MAP3K21: variants seen among roughly 807,000 people sequenced by gnomAD.
The protein encoded by MAP3K21 is mitogen-activated protein kinase kinase kinase MLK4.
Under a neutral mutation model 86.1 loss-of-function variants are expected in MAP3K21, and 63 were observed. That is an observed-to-expected ratio of 0.73 (90% confidence interval 0.60 to 0.90). The LOEUF (loss-of-function observed/expected upper bound fraction) is 0.90. MAP3K21 is among the 40% of genes least tolerant of loss of function. The probability of loss-of-function intolerance (pLI) is 0.00; values close to 1 mark genes in which losing one functional copy is unlikely to be tolerated. For synonymous variants in MAP3K21, 558 were observed against 564.8 expected, an observed-to-expected ratio of 0.99 and a Z score of 0.17; for missense variants, 1,220 against 1,367.7, an observed-to-expected ratio of 0.89 and a Z score of 1.70.
Position 233,354,923 on chromosome 1 carries a change from A to AG in MAP3K21, c.1224dup (p.Met409AspfsTer12), listed in dbSNP as rs1663321308. On this transcript the variant is annotated frameshift_variant, in exon 4 of 10. Transcript: ENST00000366624. LOFTEE classifies it high-confidence loss of function. ...GCTATTGAAGGGGCAGTGATGACTGAGATGCCTCAAGAATCTTTTCATTCC... is the reference window on the plus strand; with the variant it reads ...GCTATTGAAGGGGCAGTGATGACTGAGGATGCCTCAAGAATCTTTTCATTCC... 1 of 1,613,760 alleles carries AG rather than the reference A, an allele frequency of 6.2e-7. No homozygotes were observed. Among genetic ancestry groups the AG allele is most frequent in the Non-Finnish European group, 8.5e-7 (1 of 1,179,740 alleles).
chr1:233,375,451 A>C (rs891801652), intron 6 of MAP3K21, among the ~76,000 whole-genome samples: 1 of 152,236 alleles, frequency 6.6e-6, no homozygotes, highest in Non-Finnish European at 1.5e-5. Context: ...AAAATAAAGA[A>C]AGAAATAAAT....
At position 233,379,386 on chromosome 1, in the gene MAP3K21, C is replaced by A. The variant is rs1558464885; in HGVS notation, c.2380C>A (p.Pro794Thr). 1.2e-6 allele frequency: 2 copies of A among 1,614,246 alleles called. 1 individual carries two copies. The highest frequency in any genetic ancestry group is 2.2e-5 in the South Asian group (2 of 91,086). ...GGAGGCCAGCAGCCCACCCTCCCTGCCACTGTCAAGTGCCCTGGGCATCCT... is the reference window on the plus strand; with the variant it reads ...GGAGGCCAGCAGCCCACCCTCCCTGACACTGTCAAGTGCCCTGGGCATCCT... ...CGEASSPPSL[P>T]LSSALGILST... Residue 794 changes from proline to threonine, a missense_variant, in exon 9 of 10, where the codon CCA (proline) becomes ACA (threonine). This residue lies in a region of MAP3K21 where 632 missense variants were observed against 691.3 expected (regional missense o/e 0.91). Transcript: ENST00000366624.
chr1:233,374,570 C>T (rs10797450), intron 6 of MAP3K21, among the ~76,000 whole-genome samples: 33,650 of 151,942 alleles, frequency 0.22, 3,905 homozygotes, highest in South Asian at 0.3. Flanking sequence ...AACCAAACAT[C>T]ATCCACAATG....
chr1:233,357,840 G>A (rs771043929), intron 4 of MAP3K21, among the ~76,000 whole-genome samples: 3 of 152,210 alleles, frequency 2.0e-5, no homozygotes, highest in Non-Finnish European at 2.9e-5. Flanking sequence ...GAATGCTGCA[G>A]GGATGGCAAT....
intron 1 of MAP3K21, among the ~76,000 whole-genome samples, chr1:233,333,056 C>G (rs916753581): frequency 6.6e-5 from 10 of 152,084 alleles, no homozygotes; most frequent in Non-Finnish European, 1.2e-4. Flanking sequence ...CTATGACAAA[C>G]TGCAAAAGGA....
intron 4 of MAP3K21, among the ~76,000 whole-genome samples, chr1:233,355,849 G>A (rs1430633429): frequency 6.6e-6 from 1 of 151,992 alleles, no homozygotes; most frequent in Non-Finnish European, 1.5e-5. Flanking sequence ...ATCCTTACTG[G>A]GCACTCTCTG....
At chr1:233,365,330 G>A (rs1218127491) in intron 5 of MAP3K21, among the ~76,000 whole-genome samples, 1 of 152,210 alleles carries the variant, frequency 6.6e-6, no homozygotes, top group Non-Finnish European at 1.5e-5. Flanking sequence ...AATCAACAGA[G>A]TGAAGAGACC....
chr1:233,375,517 G>A (rs137968282), intron 6 of MAP3K21, among the ~76,000 whole-genome samples: 2 of 152,160 alleles, frequency 1.3e-5, no homozygotes, highest in East Asian at 3.9e-4. Context: ...TATGATGTTT[G>A]TGCCTCTAGG....
chr1:233,331,822 A>G (rs1662812492), intron 1 of MAP3K21, among the ~76,000 whole-genome samples: 2 of 152,224 alleles, frequency 1.3e-5, no homozygotes, highest in African/African-American at 4.8e-5. Flanking sequence ...TGTCTAGATA[A>G]TAGCTGATAT....
chr1:233,343,624 A>G (rs1663078603), intron 1 of MAP3K21, among the ~76,000 whole-genome samples: 1 of 152,246 alleles, frequency 6.6e-6, no homozygotes, highest in Non-Finnish European at 1.5e-5. Context: ...AAAGCTGTCA[A>G]CTAAATGAGT....
intron 3 of MAP3K21, among the ~76,000 whole-genome samples, chr1:233,354,494 A>G (rs1333679291): frequency 6.6e-6 from 1 of 152,218 alleles, no homozygotes; most frequent in Non-Finnish European, 1.5e-5. Context: ...ACTCCATATC[A>G]GTAAATGATC....
chr1:233,353,661 TG>T (rs35104170), intron 2 of MAP3K21, 145 bp from the exon 3 acceptor site: 4 of 620,908 alleles, frequency 6.4e-6, no homozygotes, highest in Middle Eastern at 4.8e-4. Context: ...CCTCCCACCT[TG>T]GGATGTCAGC....
intron 1 of MAP3K21, among the ~76,000 whole-genome samples, chr1:233,329,621 T>A (rs1233754945): frequency 1.3e-5 from 2 of 151,634 alleles, no homozygotes; most frequent in African/African-American, 4.9e-5. Context: ...GCCACTGCAC[T>A]CCAGCCTAGG....
intron 5 of MAP3K21, among the ~76,000 whole-genome samples, chr1:233,371,506 G>A (rs1023146364): frequency 1.3e-5 from 2 of 152,108 alleles, no homozygotes; most frequent in African/African-American, 4.8e-5. Context: ...GATTACAGAT[G>A]TGTGCCACCA....
chr1:233,339,363 C>CT (rs1662987777), intron 1 of MAP3K21, among the ~76,000 whole-genome samples: 11 of 71,706 alleles, frequency 1.5e-4, no homozygotes, highest in African/African-American at 2.4e-4. Flanking sequence ...TCTTCTCCTT[C>CT]TCCTCCTTCT....
At chr1:233,340,076 G>A (rs1451832371) in intron 1 of MAP3K21, among the ~76,000 whole-genome samples, 2 of 152,196 alleles carry the variant, frequency 1.3e-5, no homozygotes. Context: ...ATTGTAATAA[G>A]GAAGATAAGG....
At chr1:233,348,615 T>G (rs970409723) in intron 2 of MAP3K21, among the ~76,000 whole-genome samples, 11 of 152,130 alleles carry the variant, frequency 7.2e-5, no homozygotes, top group African/African-American at 2.7e-4. Flanking sequence ...TTCCCACCAG[T>G]AGAGTGTCAG....
At chr1:233,372,657 A>G (rs1175894703) in intron 6 of MAP3K21, 1 of 154,394 alleles carries the variant, frequency 6.5e-6, no homozygotes, top group African/African-American at 2.4e-5. Flanking sequence ...TTTTAGAACA[A>G]GCATTCATCC....
chr1:233,364,064 C>T (rs554154016), intron 5 of MAP3K21, among the ~76,000 whole-genome samples: 1 of 152,064 alleles, frequency 6.6e-6, no homozygotes, highest in African/African-American at 2.4e-5. Context: ...AGGTGGTCAT[C>T]ATGAGAGTCC....
Sources: gnomAD v4.1 joint callset for allele counts (sites outside exome capture counted in the v4.1 genomes callset) on GRCh38, gnomAD v4.1.1 for gene constraint, gnomAD v4.1.1 regional missense constraint, MANE v1.5 for transcripts, NCBI Gene and HGNC (gene_info 2026-07-23, HGNC 2026-07-21) for gene names.